The following DIP2C variants were observed in gnomAD, a reference collection of about 807,000 sequenced individuals.
DIP2C encodes the protein disco-interacting protein 2 homolog C.
Under a neutral mutation model 192.4 loss-of-function variants are expected in DIP2C, and 33 were observed. The observed-to-expected ratio is 0.17, with a 90% CI of 0.13 to 0.23. The LOEUF is 0.23. DIP2C is among the 10% of genes least tolerant of loss of function. The probability of loss-of-function intolerance (pLI) is 1.00; values close to 1 mark genes in which losing one functional copy is unlikely to be tolerated. For missense variants in DIP2C, 1,537 were observed against 2,110.1 expected, an observed-to-expected ratio of 0.73 and a Z score of 5.32; for synonymous variants, 979 against 864.1, an observed-to-expected ratio of 1.13 and a Z score of -2.33.
At chr10:559,377 C>T (rs1202505096) in intron 1 of DIP2C, among the ~76,000 whole-genome samples, 1 of 151,628 alleles carries the variant, frequency 6.6e-6, no homozygotes, top group Non-Finnish European at 1.5e-5. Flanking sequence ...GTGTGTCCTA[C>T]CCCACACACA....
intron 2 of DIP2C, among the ~76,000 whole-genome samples, chr10:478,493 C>G (rs1190811563): frequency 6.7e-6 from 1 of 149,554 alleles, no homozygotes; most frequent in African/African-American, 2.5e-5. Context: ...TGCAGATGCA[C>G]CCAAATTCCC....
chr10:546,468 G>A (rs979789659), intron 1 of DIP2C, among the ~76,000 whole-genome samples: 1 of 152,246 alleles, frequency 6.6e-6, no homozygotes, highest in East Asian at 1.9e-4. Flanking sequence ...CTCCATCTGC[G>A]TTCAGTGGGC....
intron 31 of DIP2C, chr10:324,767 TCCA>T (rs942046662): frequency 2.7e-6 from 1 of 373,220 alleles, no homozygotes; most frequent in Non-Finnish European, 5.5e-6. Context: ...TCATTCAATA[TCCA>T]CCACGTGTCA....
At chr10:428,458 T>TA (rs1450086532) in intron 4 of DIP2C, among the ~76,000 whole-genome samples, 10 of 152,182 alleles carry the variant, frequency 6.6e-5, no homozygotes, top group East Asian at 1.9e-4. Flanking sequence ...TTTAGTACTT[T>TA]AAAAAATGTC....
intron 6 of DIP2C, among the ~76,000 whole-genome samples, chr10:418,690 C>T (rs887232070): frequency 6.6e-6 from 1 of 152,252 alleles, no homozygotes; most frequent in African/African-American, 2.4e-5. Context: ...TTCTGTTGTA[C>T]ATTTAACTTC....
chr10:676,713 G>A (rs1275495083), intron 1 of DIP2C, among the ~76,000 whole-genome samples: 2 of 151,974 alleles, frequency 1.3e-5, no homozygotes, highest in Non-Finnish European at 1.5e-5. Context: ...TAACCAAGAG[G>A]GTTAAAGATC....
intron 6 of DIP2C, among the ~76,000 whole-genome samples, chr10:417,274 G>C (rs1281906696): frequency 6.6e-6 from 1 of 152,070 alleles, no homozygotes; most frequent in African/African-American, 2.4e-5. Context: ...TCCCAGCAAG[G>C]GCCCCTGTGG....
chr10:497,217 G>A lies in DIP2C; in HGVS notation c.86-10687C>T, dbSNP rs138138102. 2.5e-3 allele frequency among the ~76,000 whole-genome samples: 377 copies of A among 152,292 alleles called. 1 individual carries two copies. The highest frequency in any genetic ancestry group is 8.5e-3 in the African/African-American group (355 of 41,568). ...TGGTGGGTGTACTGTATTGTTTAGG[G>A]AATAATGAAAAAGTCTACCCATGTT... On this transcript the variant is annotated intron_variant, in intron 1 of 36. Coordinates refer to ENST00000280886, the MANE Select transcript of DIP2C (RefSeq NM_014974.3).
Position 651,220 on chromosome 10 carries a change from C to T in DIP2C, c.85+38274G>A. ...TATCTACAGACCCTGTCCTCACCTG[C>T]ATCACACCAATGATGGCGTCACAGC... On this transcript the variant is annotated intron_variant, in intron 1 of 36. Transcript: ENST00000280886. This position sits in a 1 kb window ranked among gnomAD's most constrained non-coding sequence, Gnocchi z 4.1. 1 of 717,168 alleles carries T rather than the reference C, an allele frequency of 1.4e-6. No homozygotes were observed. The highest frequency in any genetic ancestry group is 2.6e-6 in the Non-Finnish European group (1 of 385,134). 44.4% of individuals were successfully genotyped at this position (717,168 alleles called of 1,614,324 possible). A position where few individuals can be genotyped will look rare whatever the true frequency, so the allele number is the denominator to read the frequency against.
chr10:596,922 C>CAG (rs1296166766), intron 1 of DIP2C, among the ~76,000 whole-genome samples: 9 of 152,264 alleles, frequency 5.9e-5, no homozygotes, highest in Admixed American at 5.2e-4. Flanking sequence ...CGCGAACATG[C>CAG]AGACATGAGG....
chr10:554,038 CTG>C (rs769199248), intron 1 of DIP2C, among the ~76,000 whole-genome samples: 61 of 151,750 alleles, frequency 4.0e-4, no homozygotes, highest in African/African-American at 1.1e-3. Flanking sequence ...CAGCTTGTAA[CTG>C]TAAGAGTGGC....
At chr10:473,975 T>A (rs1032161146) in intron 2 of DIP2C, among the ~76,000 whole-genome samples, 1 of 152,194 alleles carries the variant, frequency 6.6e-6, no homozygotes, top group South Asian at 2.1e-4. Context: ...TACACCGTCA[T>A]TTTGCTAAGT....
In DIP2C at chr10:482,213, C is replaced by A. The variant is rs192921421; in HGVS notation, c.157+4246G>T. ...TCGGGAGGGACAGCGGCGTGGCCAT[C>A]GGGAGCCCTGGTAGCAGGGAGGAAC... On this transcript the variant is annotated intron_variant, in intron 2 of 36. Coordinates refer to ENST00000280886, the MANE Select transcript of DIP2C (RefSeq NM_014974.3). Among the ~76,000 whole-genome samples the A allele has an allele frequency of 8.5e-5, 13 of 152,282 alleles. No homozygotes were observed. In the East Asian group the frequency reaches 2.3e-3, roughly 27 times the overall value.
At chr10:389,407 C>T (rs1164295694) in intron 13 of DIP2C, among the ~76,000 whole-genome samples, 1 of 152,178 alleles carries the variant, frequency 6.6e-6, no homozygotes, top group Non-Finnish European at 1.5e-5. Flanking sequence ...ACTCACTTCC[C>T]CTCTTTGCCT....
intron 32 of DIP2C, among the ~76,000 whole-genome samples, chr10:298,932 T>C (rs1271654219): frequency 6.6e-6 from 1 of 152,242 alleles, no homozygotes; most frequent in Non-Finnish European, 1.5e-5. Context: ...CAACTTTCCC[T>C]TTTTGAGTAA....
At position 415,626 on chromosome 10, in the gene DIP2C, C is replaced by A. The variant is rs924350972; in HGVS notation, c.859+143G>T. 4.4e-5 allele frequency: 49 copies of A among 1,122,384 alleles called. No individual in the cohort carries two copies. The African/African-American group carries it at 6.7e-4, about 15-fold the overall frequency. The allele number at this position is 1,122,384 out of a possible 1,614,324, so 69.5% of individuals were successfully genotyped here. On this transcript the variant is annotated intron_variant, in intron 7 of 36. Coordinates refer to ENST00000280886, the MANE Select transcript of DIP2C (RefSeq NM_014974.3). ...ACCAAGGCTGCCTGGGAACATCACC[C>A]GCTCCCTACCTGGGTTCCCATCATG...
chr10:574,884 T>C (rs1399210677), intron 1 of DIP2C, among the ~76,000 whole-genome samples: 1 of 152,230 alleles, frequency 6.6e-6, no homozygotes, highest in African/African-American at 2.4e-5. Flanking sequence ...TACAATTTAC[T>C]GGGTTTAATG....
intron 1 of DIP2C, among the ~76,000 whole-genome samples, chr10:637,862 T>C (rs1039492768): frequency 5.3e-5 from 8 of 152,236 alleles, no homozygotes; most frequent in Admixed American, 4.6e-4. Context: ...TGACTGATTC[T>C]AAATCACCGT....
At chr10:589,808 G>A (rs1481234979) in intron 1 of DIP2C, among the ~76,000 whole-genome samples, 1 of 152,174 alleles carries the variant, frequency 6.6e-6, no homozygotes, top group East Asian at 1.9e-4. Flanking sequence ...AGGCTCCCAG[G>A]TGAAACCTTA....
Sources: allele counts gnomAD v4.1 joint callset (sites outside exome capture counted in the v4.1 genomes callset), GRCh38; gene constraint gnomAD v4.1.1; non-coding constraint Gnocchi (gnomAD v3.1); transcripts MANE v1.5; gene names NCBI Gene and HGNC (gene_info 2026-07-23, HGNC 2026-07-21).